Variants in TNN observed in about 807,000 individuals in gnomAD.
The protein encoded by TNN is tenascin-N.
TNN carries 122 observed loss-of-function variants against 134.4 expected under a neutral mutation model. The ratio of observed to expected loss-of-function variants is 0.91; its 90% CI spans 0.78 to 1.06. The LOEUF (loss-of-function observed/expected upper bound fraction) is 1.06, where lower values mean the gene tolerates loss of function less well. Ranked by LOEUF, TNN falls within the 50% of genes least tolerant of loss-of-function variation. The pLI is 0.00. For missense variants in TNN, 1,739 were observed against 1,699.4 expected (o/e 1.02, Z -0.41); for synonymous variants, 710 against 670.3 (o/e 1.06, Z -0.91).
rs1426463649 is a variant in TNN, at chr1:175,075,578, G to A, written c.-35-1806G>A. 3.3e-5 allele frequency among the ~76,000 whole-genome samples: 5 copies of A among 152,326 alleles called. No homozygotes were observed. The East Asian group carries it at 9.6e-4, about 29-fold the overall frequency. On this transcript the variant is annotated intron_variant, in intron 1 of 18. Coordinates refer to ENST00000239462, the MANE Select transcript of TNN (RefSeq NM_022093.2). ...CCCAAAGTGTTGGGATTACAGATGT[G>A]AGCCACCGTGCCCGGCCAGCATTAT...
intron 7 of TNN, among the ~76,000 whole-genome samples, chr1:175,095,737 C>G (rs1674555272): frequency 6.6e-6 from 1 of 152,170 alleles, no homozygotes; most frequent in Non-Finnish European, 1.5e-5. Flanking sequence ...CCACGCCCAG[C>G]TAATTTTTGT....
At chr1:175,099,344 G>A (rs1674657384) in intron 9 of TNN, among the ~76,000 whole-genome samples, 1 of 151,790 alleles carries the variant, frequency 6.6e-6, no homozygotes, top group Non-Finnish European at 1.5e-5. Flanking sequence ...AGGACGGGCA[G>A]AAGTGAAGGG....
At chr1:175,141,512 C>T (rs1675945113) in intron 17 of TNN, among the ~76,000 whole-genome samples, 1 of 152,110 alleles carries the variant, frequency 6.6e-6, no homozygotes, top group African/African-American at 2.4e-5. Context: ...TAATGGGTAC[C>T]TGGATGAAAG....
At chr1:175,105,755 A>T (rs888375898) in intron 9 of TNN, among the ~76,000 whole-genome samples, 5 of 145,150 alleles carry the variant, frequency 3.4e-5, no homozygotes, top group Non-Finnish European at 4.6e-5. Flanking sequence ...ATGGCTTAGG[A>T]TGCATTTCAA....
intron 10 of TNN, among the ~76,000 whole-genome samples, chr1:175,118,084 T>C (rs987258325): frequency 6.6e-6 from 1 of 152,186 alleles, no homozygotes; most frequent in Non-Finnish European, 1.5e-5. Context: ...CACAGGAGAA[T>C]AGGATGCTGC....
At position 175,079,559 on chromosome 1, in the gene TNN, C is replaced by A; in HGVS notation, c.636C>A (p.Cys212Ter). The change falls in exon 3 of 19, where the codon TGC becomes TGA. Residue 212 changes from cysteine (C) to a stop codon, truncating the protein, a stop_gained. Coordinates refer to ENST00000239462, the MANE Select transcript of TNN (RefSeq NM_022093.2). LOFTEE classifies it high-confidence loss of function. Reference sequence around the variant, plus strand: ...AGAACTGCAGCGGACACGGCGAGTGCGTGCGCGGCGTGTGCCAGTGCCACG... The same window carrying A: ...AGAACTGCAGCGGACACGGCGAGTGAGTGCGCGGCGTGTGCCAGTGCCACG... ...CPENCSGHGECVRGVCQCHED... is the reference protein window; with the variant it reads ...CPENCSGHGE 3 of 1,574,850 alleles carry A rather than the reference C, an allele frequency of 1.9e-6. No individual in the cohort carries two copies. Among genetic ancestry groups the A allele is most frequent in the Non-Finnish European group, 1.7e-6 (2 of 1,161,744 alleles).
intron 17 of TNN, among the ~76,000 whole-genome samples, chr1:175,140,978 C>T (rs1675932249): frequency 6.6e-6 from 1 of 152,182 alleles, no homozygotes; most frequent in African/African-American, 2.4e-5. Flanking sequence ...CGCACCAGCT[C>T]TCCCCAGCCT....
At chr1:175,100,052 A>T (rs143762333) in intron 9 of TNN, among the ~76,000 whole-genome samples, 94 of 152,234 alleles carry the variant, frequency 6.2e-4, no homozygotes, top group Middle Eastern at 3.4e-3. Context: ...CCAGATGCAC[A>T]GCTCTTTTGC....
chr1:175,094,100 TCTG>T lies in TNN; in HGVS notation c.1439_1441del (p.Ala480del). The T allele has an allele frequency of 1.2e-6, 2 of 1,614,188 alleles. No homozygotes were observed. The highest frequency in any genetic ancestry group is 1.7e-6 in the Non-Finnish European group (2 of 1,180,038). ...AGACAAGTATGTAGTGCGCTACACT[TCTG>T]CTGATGGGGACACCAAGGAAATGGC... On this transcript the variant is annotated inframe_deletion, in exon 7 of 19. Transcript: ENST00000239462.
rs1404872490 is a variant in TNN, at chr1:175,094,061, G to C, written c.1396G>C (p.Val466Leu). Residue 466 changes from valine (V) to leucine (L), a missense_variant, in exon 7 of 19, where the codon GTG (valine) becomes CTG (leucine). Val to Leu is a conservative substitution (Grantham distance 32). Coordinates refer to ENST00000239462, the MANE Select transcript of TNN (RefSeq NM_022093.2). ...CACAGCAACTGTCTCCTGGGACCCA[G>C]TGCAGGCTGTCATAGACAAGTATGT... ...EDTATVSWDP[V>L]QAVIDKYVVR... 1.9e-6 allele frequency: 3 copies of C among 1,614,068 alleles called. No individual in the cohort carries two copies. The highest frequency in any genetic ancestry group is 1.6e-4 in the Middle Eastern group (1 of 6,082).
Position 175,118,816 on chromosome 1 carries a change from C to T in TNN, c.2642C>T (p.Ala881Val). Residue 881 changes from alanine to valine, a missense_variant, in exon 11 of 19, where the codon GCC becomes GTC. Physicochemically the swap from Ala to Val is moderately conservative, Grantham distance 64. Transcript: ENST00000239462. ...NQESKKADTKAQTEIDGPKNL... is the reference protein window; with the variant it reads ...NQESKKADTKVQTEIDGPKNL... ...GAGAGCAAGAAGGCTGACACCAAGGCCCAGACAGGTAATAGAAGTGAAGAG... is the reference window on the plus strand; with the variant it reads ...GAGAGCAAGAAGGCTGACACCAAGGTCCAGACAGGTAATAGAAGTGAAGAG... 1 of 1,614,124 alleles carries T rather than the reference C, an allele frequency of 6.2e-7. No homozygotes were observed. Among genetic ancestry groups the T allele is most frequent in the African/African-American group, 1.3e-5 (1 of 75,030 alleles).
chr1:175,110,564 T>C (rs1674993297), intron 9 of TNN, among the ~76,000 whole-genome samples: 1 of 152,250 alleles, frequency 6.6e-6, no homozygotes, highest in African/African-American at 2.4e-5. Context: ...AATAGAGGTC[T>C]AGTTTTATTC....
At chr1:175,107,065 C>T (rs1280970334) in intron 9 of TNN, among the ~76,000 whole-genome samples, 1 of 146,386 alleles carries the variant, frequency 6.8e-6, no homozygotes, top group Non-Finnish European at 1.5e-5. Context: ...TATTGTCTCA[C>T]CGCTTGGCGA....
At chr1:175,087,430 A>G (rs1674343743) in intron 6 of TNN, among the ~76,000 whole-genome samples, 2 of 152,246 alleles carry the variant, frequency 1.3e-5, no homozygotes, top group South Asian at 4.1e-4. Context: ...GCGTAGGAAC[A>G]AAAGGAAAGG....
intron 17 of TNN, among the ~76,000 whole-genome samples, chr1:175,138,068 G>T (rs75959133): frequency 0.01 from 1,559 of 152,214 alleles, 30 homozygotes; most frequent in African/African-American, 0.035. Flanking sequence ...GGGTGAGTAG[G>T]GACTGAGCAG....
intron 9 of TNN, among the ~76,000 whole-genome samples, chr1:175,105,928 G>A (rs1456171409): frequency 6.9e-6 from 1 of 145,806 alleles, no homozygotes; most frequent in Non-Finnish European, 1.5e-5. Context: ...AACAACCCCT[G>A]CCCAAGAACC....
At chr1:175,110,182 T>C (rs1674984318) in intron 9 of TNN, among the ~76,000 whole-genome samples, 1 of 152,238 alleles carries the variant, frequency 6.6e-6, no homozygotes, top group African/African-American at 2.4e-5. Context: ...ATTTAGATCA[T>C]TTGCCCATTT....
intron 9 of TNN, among the ~76,000 whole-genome samples, chr1:175,108,576 C>T (rs920526393): frequency 8.5e-5 from 13 of 152,330 alleles, no homozygotes; most frequent in African/African-American, 2.4e-4. Flanking sequence ...TTAGGCATGG[C>T]GGGCTGCAGG....
At chr1:175,074,690 G>A (rs1266457728) in intron 1 of TNN, among the ~76,000 whole-genome samples, 1 of 152,170 alleles carries the variant, frequency 6.6e-6, no homozygotes, top group African/African-American at 2.4e-5. Flanking sequence ...GAAGAGCCAT[G>A]AAGGAGTGGG....
Sources: allele counts gnomAD v4.1 joint callset (sites outside exome capture counted in the v4.1 genomes callset), GRCh38; gene constraint gnomAD v4.1.1; transcripts MANE v1.5; gene names NCBI Gene and HGNC (gene_info 2026-07-23, HGNC 2026-07-21).